Variants in CCDC33 observed in about 807,000 individuals in gnomAD.
CCDC33 encodes the protein coiled-coil domain-containing protein 33.
A neutral mutation model predicts 91.9 loss-of-function variants in CCDC33; 94 were observed. That is an observed-to-expected ratio of 1.02 (90% CI 0.87 to 1.21). CCDC33 has a LOEUF of 1.21. CCDC33 is among the 50% of genes most tolerant of loss of function. The pLI is 0.00. For synonymous variants in CCDC33, 396 were observed against 374.5 expected, an observed-to-expected ratio of 1.06 and a Z score of -0.66; for missense variants, 940 against 935.5, an observed-to-expected ratio of 1.00 and a Z score of -0.06.
intron 5 of CCDC33, among the ~76,000 whole-genome samples, chr15:74,271,491 C>G (rs2076315055): frequency 6.6e-6 from 1 of 152,162 alleles, no homozygotes; most frequent in Admixed American, 6.5e-5. Flanking sequence ...GAGCAGTTGC[C>G]TCAGCTCGGC....
chr15:74,311,690 G>A (rs1244410770), intron 11 of CCDC33: 1 of 152,212 alleles, frequency 6.6e-6, no homozygotes, highest in African/African-American at 2.4e-5. Flanking sequence ...GACAGCGGGA[G>A]GCTGGCTTAG....
intron 11 of CCDC33, among the ~76,000 whole-genome samples, chr15:74,308,968 TC>T (rs1282943762): frequency 2.0e-5 from 3 of 151,838 alleles, no homozygotes; most frequent in African/African-American, 7.3e-5. Context: ...TCCTGCCTTC[TC>T]CTGTATGTGG....
At chr15:74,313,123 G>T (rs1204548348) in intron 11 of CCDC33, among the ~76,000 whole-genome samples, 1 of 152,204 alleles carries the variant, frequency 6.6e-6, no homozygotes, top group Non-Finnish European at 1.5e-5. Flanking sequence ...CCACTTGGAA[G>T]TCTCTGTTTC....
intron 2 of CCDC33, among the ~76,000 whole-genome samples, chr15:74,255,494 G>T (rs1239832857): frequency 1.3e-5 from 2 of 152,232 alleles, no homozygotes; most frequent in Non-Finnish European, 2.9e-5. Flanking sequence ...AGGAGCAACT[G>T]GCCCTGAGTG....
At chr15:74,249,171 G>A (rs111324528) in intron 2 of CCDC33, among the ~76,000 whole-genome samples, 6 of 152,098 alleles carry the variant, frequency 3.9e-5, no homozygotes, top group Non-Finnish European at 7.4e-5. Flanking sequence ...TTATCAGCCC[G>A]CCCAGCTGCT....
At chr15:74,250,161 T>A (rs975343988) in intron 2 of CCDC33, among the ~76,000 whole-genome samples, 1 of 152,178 alleles carries the variant, frequency 6.6e-6, no homozygotes, top group African/African-American at 2.4e-5. Context: ...CACCACCGAC[T>A]TAGGCCACCG....
At chr15:74,305,444 AG>A (rs1759238630) in intron 11 of CCDC33, among the ~76,000 whole-genome samples, 1 of 152,140 alleles carries the variant, frequency 6.6e-6, no homozygotes, top group Admixed American at 6.5e-5. Flanking sequence ...CCATAGAGAA[AG>A]CCCCCCAGCC....
intron 11 of CCDC33, among the ~76,000 whole-genome samples, chr15:74,328,644 G>C (rs2060359643): frequency 6.6e-6 from 1 of 152,228 alleles, no homozygotes; most frequent in South Asian, 2.1e-4. Flanking sequence ...GGTGCAATTA[G>C]AGGGAGCCCA....
At chr15:74,237,171 T>G (rs1467537550) in intron 1 of CCDC33, among the ~76,000 whole-genome samples, 1 of 152,264 alleles carries the variant, frequency 6.6e-6, no homozygotes, top group Non-Finnish European at 1.5e-5. Context: ...CCTAGGCCCC[T>G]GTCCTGGAAC....
intron 11 of CCDC33, among the ~76,000 whole-genome samples, chr15:74,329,299 T>G (rs1326301060): frequency 6.6e-6 from 1 of 152,162 alleles, no homozygotes; most frequent in Non-Finnish European, 1.5e-5. Flanking sequence ...GGAGGCCTCA[T>G]GGCAGAATTG....
chr15:74,330,553 C>T, intron 12 of CCDC33, 110 bp from the exon 13 acceptor site: 3 of 1,111,864 alleles, frequency 2.7e-6, no homozygotes, highest in Non-Finnish European at 4.0e-6. Flanking sequence ...AGAATCCAGT[C>T]CCGTCCCAAG....
At chr15:74,318,564 G>A (rs1384950062) in intron 11 of CCDC33, 1 of 703,994 alleles carries the variant, frequency 1.4e-6, no homozygotes, top group Admixed American at 2.4e-5. Context: ...GACCCATCCT[G>A]GGGAACAGGA....
intron 11 of CCDC33, among the ~76,000 whole-genome samples, chr15:74,306,497 G>A (rs1169428467): frequency 6.6e-6 from 1 of 152,210 alleles, no homozygotes; most frequent in Non-Finnish European, 1.5e-5. Context: ...GTTCCTGCAA[G>A]AGGAATCTGT....
intron 1 of CCDC33, chr15:74,209,263 C>T (rs2074330798): frequency 8.2e-7 from 1 of 1,219,166 alleles, no homozygotes. Context: ...TCTCCTTGGC[C>T]CTCAGAGTCA....
rs965999909 is a variant in CCDC33, at chr15:74,277,787, T to C, written c.760-2176T>C. 1.1e-4 allele frequency among the ~76,000 whole-genome samples: 17 copies of C among 152,190 alleles called. 1 individual carries two copies. The highest frequency in any genetic ancestry group is 1.0e-3 in the Admixed American group (16 of 15,278). ...ACTCAGGGAAAGGGCTGTTCCTTATTGGGCCGGCAGCCACTCACCACCTCT... is the reference window on the plus strand; with the variant it reads ...ACTCAGGGAAAGGGCTGTTCCTTATCGGGCCGGCAGCCACTCACCACCTCT... On this transcript the variant is annotated intron_variant, in intron 7 of 18. Transcript: ENST00000398814.
chr15:74,210,772 G>C (rs148020139), intron 2 of CCDC33, among the ~76,000 whole-genome samples: 145 of 152,260 alleles, frequency 9.5e-4, no homozygotes, highest in African/African-American at 3.2e-3. Context: ...GTAGCCCTTA[G>C]ACTAGGTATT....
At chr15:74,223,184 C>T (rs2074664229) in intron 2 of CCDC33, among the ~76,000 whole-genome samples, 2 of 152,164 alleles carry the variant, frequency 1.3e-5, no homozygotes, top group Admixed American at 1.3e-4. Context: ...TGGTTTCCCT[C>T]ATCTTCTGAA....
At position 74,272,756 on chromosome 15, in the gene CCDC33, TC is replaced by T; in HGVS notation, c.639-12del. The T allele has an allele frequency of 6.2e-7, 1 of 1,613,404 alleles. No homozygotes were observed. The highest frequency in any genetic ancestry group is 8.5e-7 in the Non-Finnish European group (1 of 1,179,888). On this transcript the variant is annotated splice_polypyrimidine_tract_variant and intron_variant, in intron 6 of 18. Transcript: ENST00000398814. ...CAGAGCCCAGAGCACTGACCCTGTCTCCCTGCCTCCCCAGGGTCAGCCAGGC... is the reference window on the plus strand; with the variant it reads ...CAGAGCCCAGAGCACTGACCCTGTCTCCTGCCTCCCCAGGGTCAGCCAGGC...
chr15:74,306,264 C>A (rs1341330278), intron 11 of CCDC33, among the ~76,000 whole-genome samples: 1 of 152,168 alleles, frequency 6.6e-6, no homozygotes, highest in Non-Finnish European at 1.5e-5. Flanking sequence ...GACTGGGGCT[C>A]AGGGTCCTCA....
Sources: allele counts gnomAD v4.1 joint callset (sites outside exome capture counted in the v4.1 genomes callset), GRCh38; gene constraint gnomAD v4.1.1; transcripts MANE v1.5; gene names NCBI Gene and HGNC (gene_info 2026-07-23, HGNC 2026-07-21).